Variants in NOL4 observed in about 807,000 individuals in gnomAD.
The protein encoded by NOL4 is cancer/testis antigen 125.
Under a neutral mutation model 75.9 loss-of-function variants are expected in NOL4, and 17 were observed. The observed-to-expected ratio is 0.22, with a 90% confidence interval of 0.15 to 0.34. NOL4 has a LOEUF of 0.34. Among genes scored for constraint, NOL4 ranks in the 10% least tolerant of loss-of-function variants. The pLI is 1.00. For synonymous variants in NOL4, 292 were observed against 289.9 expected (o/e 1.01, Z -0.07); for missense variants, 614 against 793.5 (o/e 0.77, Z 2.72).
At chr18:34,149,669 G>C (rs2081562359) in intron 1 of NOL4, among the ~76,000 whole-genome samples, 1 of 151,584 alleles carries the variant, frequency 6.6e-6, no homozygotes, top group Non-Finnish European at 1.5e-5. Flanking sequence ...GCCATAATTT[G>C]TCTTTCTATT....
chr18:33,938,289 T>C (rs1599939738), intron 9 of NOL4, among the ~76,000 whole-genome samples: 1 of 152,216 alleles, frequency 6.6e-6, no homozygotes, highest in African/African-American at 2.4e-5. Flanking sequence ...AACAAGTTTT[T>C]AGTAAATCTT....
chr18:34,035,642 C>A (rs1239051485), intron 5 of NOL4, among the ~76,000 whole-genome samples: 4 of 150,916 alleles, frequency 2.7e-5, no homozygotes, highest in Non-Finnish European at 4.4e-5. Flanking sequence ...ATGATTAAAG[C>A]AGAACTAAAT....
intron 10 of NOL4, among the ~76,000 whole-genome samples, chr18:33,860,995 T>C (rs2063097238): frequency 6.6e-6 from 1 of 152,206 alleles, no homozygotes; most frequent in Non-Finnish European, 1.5e-5. Flanking sequence ...CACTTGATCA[T>C]AGTGGATAAG....
chr18:34,185,893 TGCAACA>T (rs1344344763), intron 1 of NOL4, among the ~76,000 whole-genome samples: 4 of 152,214 alleles, frequency 2.6e-5, no homozygotes, highest in African/African-American at 9.7e-5. Context: ...AGAACATACA[TGCAACA>T]GCAATTTTTC....
rs1450371988 is a variant in NOL4 at position 34,104,107 on chromosome 18, T to C, written c.579A>G (p.Pro193=). 1.2e-6 allele frequency: 2 copies of C among 1,612,026 alleles called. No individual in the cohort carries two copies. Among genetic ancestry groups the C allele is most frequent in the Admixed American group, 1.7e-5 (1 of 59,928 alleles). ...TGTGTTTCATGTAGGCCATGGTAAT[T>C]GGCATGTTGTAGTCAATCATGCTGG... ...LVTSMIDYNM[P]ITMAYMKHMK... The change falls in exon 4 of 11, where the codon CCA becomes CCG. Residue 193 remains proline, a synonymous_variant. Coordinates refer to ENST00000261592, the MANE Select transcript of NOL4 (RefSeq NM_003787.5).
intron 6 of NOL4, among the ~76,000 whole-genome samples, chr18:34,017,505 G>T (rs909341119): frequency 7.9e-5 from 12 of 152,150 alleles, no homozygotes; most frequent in Non-Finnish European, 1.3e-4. Context: ...TTCAATAGAT[G>T]ATATGATATT....
intron 9 of NOL4, among the ~76,000 whole-genome samples, chr18:33,935,557 T>C (rs2068003158): frequency 6.6e-6 from 1 of 152,010 alleles, no homozygotes; most frequent in Admixed American, 6.6e-5. Context: ...AGATTACTGA[T>C]CACAGATCAC....
chr18:34,221,701 T>C (rs1600922670), intron 1 of NOL4: 2 of 221,784 alleles, frequency 9.0e-6, no homozygotes, highest in Non-Finnish European at 8.7e-6. Flanking sequence ...AAAATAAATA[T>C]ACATCCTTCA....
intron 10 of NOL4, among the ~76,000 whole-genome samples, chr18:33,879,434 G>A (rs1319078335): frequency 3.3e-5 from 5 of 152,180 alleles, no homozygotes; most frequent in African/African-American, 1.2e-4. Context: ...AAGTTTGGGA[G>A]ACGAAGGTGG....
intron 9 of NOL4, among the ~76,000 whole-genome samples, chr18:33,908,298 G>A (rs541518377): frequency 2.6e-5 from 4 of 152,120 alleles, no homozygotes; most frequent in Admixed American, 6.5e-5. Context: ...ATTTCTTTTC[G>A]AGCAAGTAGA....
At chr18:34,008,380 T>TCTAC (rs1190340022) in intron 6 of NOL4, among the ~76,000 whole-genome samples, 13 of 123,184 alleles carry the variant, frequency 1.1e-4, no homozygotes, top group South Asian at 6.1e-4. Context: ...TGTCTATCTA[T>TCTAC]CTATCTATCT....
rs34954122 is a variant in NOL4 at position 34,123,532 on chromosome 18, CATATAT to C, written c.414+6333_414+6338del. ...GAGATATCATTATATATGTGATAACCATATATATATATATATATATATATATATGGT... is the reference window on the plus strand; with the variant it reads ...GAGATATCATTATATATGTGATAACCATATATATATATATATATATATGGT... On this transcript the variant is annotated intron_variant, in intron 2 of 10. Transcript: ENST00000261592. 2.4e-3 allele frequency among the ~76,000 whole-genome samples: 309 copies of C among 129,300 alleles called. 2 individuals are homozygous for C. The highest frequency in any genetic ancestry group is 6.2e-3 in the Middle Eastern group (1 of 162). The allele number at this position is 129,300 out of a possible 152,430, so 84.8% of individuals were successfully genotyped here. A position where few individuals can be genotyped will look rare whatever the true frequency, so the allele number is the denominator to read the frequency against.
At chr18:34,179,157 A>G (rs1325528787) in intron 1 of NOL4, among the ~76,000 whole-genome samples, 1 of 151,656 alleles carries the variant, frequency 6.6e-6, no homozygotes, top group Non-Finnish European at 1.5e-5. Context: ...ATAAAAACAC[A>G]ACGTATCAAA....
chr18:33,992,324 A>G (rs1464150363), intron 6 of NOL4, among the ~76,000 whole-genome samples: 3 of 151,982 alleles, frequency 2.0e-5, no homozygotes, highest in Non-Finnish European at 4.4e-5. Flanking sequence ...TAAATTACTT[A>G]ATTTCACTTC....
chr18:34,174,473 C>G (rs780974852), intron 1 of NOL4, among the ~76,000 whole-genome samples: 4 of 152,098 alleles, frequency 2.6e-5, no homozygotes, highest in Non-Finnish European at 5.9e-5. Context: ...GCTCTAGATT[C>G]ATCTTCTGCT....
At chr18:34,041,475 G>A (rs2076137097) in intron 5 of NOL4, among the ~76,000 whole-genome samples, 2 of 151,090 alleles carry the variant, frequency 1.3e-5, no homozygotes, top group African/African-American at 4.9e-5. Flanking sequence ...TCCTGATATG[G>A]GAAATAGTTA....
At chr18:34,030,222 C>T (rs929591684) in intron 5 of NOL4, among the ~76,000 whole-genome samples, 5 of 152,108 alleles carry the variant, frequency 3.3e-5, no homozygotes, top group Non-Finnish European at 7.4e-5. Context: ...AAATGTTAAT[C>T]TCTACTCATT....
At chr18:34,222,919 G>A in intron 1 of NOL4, 71 bp downstream of exon 1, 1 of 1,557,516 alleles carries the variant, frequency 6.4e-7, no homozygotes, top group Non-Finnish European at 8.7e-7. Context: ...CCTCTCTCCC[G>A]CCTCTCTCCT....
rs531970202 is a variant in NOL4, at chr18:33,881,730, C to T, written c.1723+1514G>A. 4.7e-4 allele frequency among the ~76,000 whole-genome samples: 71 copies of T among 152,086 alleles called. 1 individual carries two copies. Among genetic ancestry groups the T allele is most frequent in the African/African-American group, 1.3e-3 (55 of 41,522 alleles). ...TTTAAAGTTCATATGGAACCAAAAACGAGCCCGCATTGCCAGGTCAATCCT... is the reference window on the plus strand; with the variant it reads ...TTTAAAGTTCATATGGAACCAAAAATGAGCCCGCATTGCCAGGTCAATCCT... On this transcript the variant is annotated intron_variant, in intron 10 of 10. Coordinates refer to ENST00000261592, the MANE Select transcript of NOL4 (RefSeq NM_003787.5).
Sources: allele counts gnomAD v4.1 joint callset (sites outside exome capture counted in the v4.1 genomes callset), GRCh38; gene constraint gnomAD v4.1.1; transcripts MANE v1.5; gene names NCBI Gene and HGNC (gene_info 2026-07-23, HGNC 2026-07-21).